The following RASA3 variants were observed in gnomAD, a reference collection of about 807,000 sequenced individuals.
RASA3 encodes the protein RAS p21 protein activator 3.
Under a neutral mutation model 110.0 loss-of-function variants are expected in RASA3, and 73 were observed. The observed-to-expected ratio is 0.66, with a 90% CI of 0.55 to 0.81. The LOEUF (loss-of-function observed/expected upper bound fraction) is 0.81. Ranked by LOEUF, RASA3 falls within the 30% of genes least tolerant of loss-of-function variation. The probability of loss-of-function intolerance (pLI) is 0.00; values close to 1 mark genes in which losing one functional copy is unlikely to be tolerated. For synonymous variants in RASA3, 500 were observed against 451.4 expected (o/e 1.11, Z -1.37); for missense variants, 976 against 1,113.2 (o/e 0.88, Z 1.75).
chr13:114,069,064 C>T (rs559743418), intron 2 of RASA3, among the ~76,000 whole-genome samples: 32 of 152,312 alleles, frequency 2.1e-4, no homozygotes, highest in African/African-American at 7.5e-4. Flanking sequence ...CCGGGCCACA[C>T]GCAGGGAGGA....
chr13:113,982,908 C>T (rs12016847), intron 22 of RASA3, among the ~76,000 whole-genome samples: 3,380 of 152,274 alleles, frequency 0.022, 129 homozygotes, highest in African/African-American at 0.077. Flanking sequence ...CTGCTACGCC[C>T]GGATCTCAAG....
rs973315029 is a variant in RASA3, at chr13:114,014,138, C to T, written c.1406-890G>A. ...TCTCTCTCTCCTTGTCTCTCTCTGTCTCTCTCCTTCTGTCTCTGCCTCTCT... is the reference window on the plus strand; with the variant it reads ...TCTCTCTCTCCTTGTCTCTCTCTGTTTCTCTCCTTCTGTCTCTGCCTCTCT... On this transcript the variant is annotated intron_variant, in intron 14 of 23. Transcript: ENST00000334062. The surrounding 1 kb of genome is among the most constrained non-coding windows in gnomAD (Gnocchi z 4.5). 6.6e-6 allele frequency among the ~76,000 whole-genome samples: 1 copy of T among 151,058 alleles called. No homozygotes were observed. Among genetic ancestry groups the T allele is most frequent in the Non-Finnish European group, 1.5e-5 (1 of 67,960 alleles).
chr13:114,106,147 G>A (rs1185515473), intron 1 of RASA3, among the ~76,000 whole-genome samples: 2 of 152,204 alleles, frequency 1.3e-5, no homozygotes, highest in Non-Finnish European at 2.9e-5. Context: ...TGTCTTTTCC[G>A]ATGAACTTTC....
At chr13:114,082,914 C>T (rs899167966) in intron 1 of RASA3, among the ~76,000 whole-genome samples, 1 of 152,242 alleles carries the variant, frequency 6.6e-6, no homozygotes, top group African/African-American at 2.4e-5. Flanking sequence ...TTCAAACTCA[C>T]AGAGCTAATT....
intron 1 of RASA3, among the ~76,000 whole-genome samples, chr13:114,089,267 C>G (rs192074578): frequency 1.9e-5 from 2 of 106,276 alleles, no homozygotes; most frequent in African/African-American, 3.6e-5. Flanking sequence ...GGAGGGGAGA[C>G]GAGGGGAGAC....
chr13:114,027,995 T>G (rs1263718372), intron 5 of RASA3, 68 bp from the exon 6 acceptor site: 1 of 1,385,032 alleles, frequency 7.2e-7, no homozygotes, highest in Non-Finnish European at 1.0e-6. Flanking sequence ...GAGACAGCTC[T>G]GGGTCAGGCA....
chr13:114,074,584 G>C (rs2079636046), intron 1 of RASA3, among the ~76,000 whole-genome samples: 1 of 152,186 alleles, frequency 6.6e-6, no homozygotes, highest in Admixed American at 6.5e-5. Flanking sequence ...CAGAATTAAA[G>C]GAAAGAGCTC....
chr13:114,026,764 C>T (rs912099114), intron 7 of RASA3, among the ~76,000 whole-genome samples: 1 of 152,210 alleles, frequency 6.6e-6, no homozygotes, highest in Admixed American at 6.5e-5. Context: ...AGAACATCTG[C>T]CTAAAGGCCC....
intron 10 of RASA3, 53 bp downstream of exon 10, chr13:114,018,710 C>T: frequency 6.3e-7 from 1 of 1,596,640 alleles, no homozygotes; most frequent in Admixed American, 1.7e-5. Flanking sequence ...GGTGGGGCCC[C>T]AGGCAGGTGG....
At chr13:114,016,174 G>A (rs1233268469) in intron 13 of RASA3, 23 bp downstream of exon 13, 1 of 1,548,588 alleles carries the variant, frequency 6.5e-7, no homozygotes, top group Non-Finnish European at 8.9e-7. Context: ...ACTGGCTTTG[G>A]TTGGTTCATG....
intron 4 of RASA3, among the ~76,000 whole-genome samples, chr13:114,039,693 C>G (rs1566513609): frequency 6.6e-6 from 1 of 152,090 alleles, no homozygotes; most frequent in Non-Finnish European, 1.5e-5. Context: ...CCCACTGCTC[C>G]CTCTGTTACA....
rs556994043 is a variant in RASA3, at chr13:114,078,575, C to A, written c.56-4738G>T. On this transcript the variant is annotated intron_variant, in intron 1 of 23. Coordinates refer to ENST00000334062, the MANE Select transcript of RASA3 (RefSeq NM_007368.4). ...TGAAGACAGCCAACACAGCACCTCGCATCGGCTCTGAAAACTCAACTAACA... is the reference window on the plus strand; with the variant it reads ...TGAAGACAGCCAACACAGCACCTCGAATCGGCTCTGAAAACTCAACTAACA... 9.8e-5 allele frequency among the ~76,000 whole-genome samples: 15 copies of A among 152,330 alleles called. No individual in the cohort carries two copies. In the South Asian group the frequency reaches 2.1e-3, roughly 21 times the overall value.
chr13:113,980,184 CCCA>C (rs1250136945), intron 23 of RASA3, among the ~76,000 whole-genome samples: 42 of 147,260 alleles, frequency 2.9e-4, no homozygotes, highest in East Asian at 2.1e-3. Context: ...TGCACCTCCT[CCCA>C]CGTGTGTGCA....
At chr13:114,042,807 T>C (rs1253286799) in intron 3 of RASA3, among the ~76,000 whole-genome samples, 1 of 152,192 alleles carries the variant, frequency 6.6e-6, no homozygotes, top group Non-Finnish European at 1.5e-5. Context: ...CCTCAGTAAA[T>C]TCGGGAACAC....
rs573293796 is a variant in RASA3 at position 114,032,889 on chromosome 13, C to T, written c.373-3002G>A. On this transcript the variant is annotated intron_variant, in intron 4 of 23. Transcript: ENST00000334062. Reference sequence around the variant, plus strand: ...CCCACACTGACACCACACCCCACAGCACCCCCACACTTGATACCATGCCCC... The same window carrying T: ...CCCACACTGACACCACACCCCACAGTACCCCCACACTTGATACCATGCCCC... 5.3e-3 allele frequency among the ~76,000 whole-genome samples: 518 copies of T among 98,234 alleles called. 5 individuals carry two copies. The highest frequency in any genetic ancestry group is 8.1e-3 in the Non-Finnish European group (380 of 46,982). The allele number at this position is 98,234 out of a possible 152,430, so 64.4% of individuals were successfully genotyped here.
chr13:114,059,733 C>T (rs1298715921), intron 2 of RASA3, among the ~76,000 whole-genome samples: 1 of 152,258 alleles, frequency 6.6e-6, no homozygotes, highest in Non-Finnish European at 1.5e-5. Context: ...TCCCACACAC[C>T]AGGACCAAAC....
At chr13:114,060,693 C>T (rs985224785) in intron 2 of RASA3, among the ~76,000 whole-genome samples, 4 of 152,218 alleles carry the variant, frequency 2.6e-5, no homozygotes, top group Non-Finnish European at 4.4e-5. Context: ...CAGCTGGAGC[C>T]GCGCACGCCC....
chr13:114,132,377 C>A, intron 1 of RASA3, 58 bp downstream of exon 1: 1 of 1,430,020 alleles, frequency 7.0e-7, no homozygotes, highest in Non-Finnish European at 9.2e-7. Context: ...GAGGCGGGCG[C>A]GGGAGAGGAC....
In RASA3 at chr13:113,995,619, T is replaced by C. The variant is rs185171043; in HGVS notation, c.2141+912A>G. 5.1e-3 allele frequency among the ~76,000 whole-genome samples: 594 copies of C among 115,564 alleles called. 4 individuals carry two copies. The highest frequency in any genetic ancestry group is 0.019 in the African/African-American group (533 of 28,170). 75.8% of individuals were successfully genotyped at this position (115,564 alleles called of 152,430 possible). Reference sequence around the variant, plus strand: ...CCCGGCTGATGGGGGGCCCTGCTGATGGGGGGCCTGACAGGGGGCCCAGCT... The same window carrying C: ...CCCGGCTGATGGGGGGCCCTGCTGACGGGGGGCCTGACAGGGGGCCCAGCT... On this transcript the variant is annotated intron_variant, in intron 21 of 23. Coordinates refer to ENST00000334062, the MANE Select transcript of RASA3 (RefSeq NM_007368.4).
Sources: gnomAD v4.1 joint callset for allele counts (sites outside exome capture counted in the v4.1 genomes callset) on GRCh38, gnomAD v4.1.1 for gene constraint, Gnocchi (gnomAD v3.1) non-coding constraint, MANE v1.5 for transcripts, NCBI Gene and HGNC (gene_info 2026-07-23, HGNC 2026-07-21) for gene names.